PARD3B: variants seen among roughly 807,000 people sequenced by gnomAD.
PARD3B encodes par-3 family cell polarity regulator beta.
Under a neutral mutation model 130.2 loss-of-function variants are expected in PARD3B, and 103 were observed. The ratio of observed to expected loss-of-function variants is 0.79; its 90% CI spans 0.67 to 0.93. The LOEUF (loss-of-function observed/expected upper bound fraction) is 0.93. PARD3B is among the 40% of genes least tolerant of loss of function. PARD3B has a pLI of 0.00. For missense variants in PARD3B, 1,609 were observed against 1,499.2 expected (o/e 1.07, Z -1.21); for synonymous variants, 583 against 553.2 (o/e 1.05, Z -0.76).
chr2:204,921,495 T>C (rs1337796089), intron 2 of PARD3B, among the ~76,000 whole-genome samples: 1 of 142,256 alleles, frequency 7.0e-6, no homozygotes, highest in African/African-American at 2.5e-5. Context: ...TTTTTTGAAG[T>C]CTAGTTAAGA....
chr2:205,096,808 C>T (rs1466320801), intron 4 of PARD3B, among the ~76,000 whole-genome samples: 1 of 151,864 alleles, frequency 6.6e-6, no homozygotes, highest in Non-Finnish European at 1.5e-5. Context: ...AATCGTATTC[C>T]AAAAAAGGTT....
At position 205,351,618 on chromosome 2, in the gene PARD3B, C is replaced by G. The variant is rs1378867405; in HGVS notation, c.2631-49395C>G. On this transcript the variant is annotated intron_variant, in intron 18 of 22. Coordinates refer to ENST00000406610, the MANE Select transcript of PARD3B (RefSeq NM_001302769.2). This position sits in a 1 kb window ranked among gnomAD's most constrained non-coding sequence, Gnocchi z 4.2. ...CCATGGGCAGGGAGCAGCTGGGCAC[C>G]AGGAGATCCAACACAGGAGCCACTG... 6.6e-6 allele frequency among the ~76,000 whole-genome samples: 1 copy of G among 152,138 alleles called. No individual in the cohort carries two copies. The highest frequency in any genetic ancestry group is 1.9e-4 in the East Asian group (1 of 5,194).
chr2:205,104,414 G>T lies in PARD3B; in HGVS notation c.505-12G>T, dbSNP rs1255309300. ...CACAGCATCACATGCTTATGACTTT[G>T]TTTCACTATAGGATTCCACGCAGAA... On this transcript the variant is annotated splice_polypyrimidine_tract_variant and intron_variant, in intron 4 of 22. Transcript: ENST00000406610. 1 of 1,555,330 alleles carries T rather than the reference G, an allele frequency of 6.4e-7. No individual in the cohort carries two copies. The highest frequency in any genetic ancestry group is 1.1e-5 in the South Asian group (1 of 89,684).
At chr2:205,334,838 G>A (rs984205138) in intron 18 of PARD3B, among the ~76,000 whole-genome samples, 2 of 152,218 alleles carry the variant, frequency 1.3e-5, no homozygotes, top group African/African-American at 2.4e-5. Flanking sequence ...CAAAGCATAA[G>A]TGAGAACAAA....
chr2:205,037,113 TAAAACAAATATACATATATA>T, intron 3 of PARD3B, among the ~76,000 whole-genome samples: 1 of 130,102 alleles, frequency 7.7e-6, no homozygotes, highest in South Asian at 2.3e-4. Flanking sequence ...ACTGTATATA[TAAAACAAATATACATATATA>T]GCGGACTGTA....
At chr2:205,541,358 T>C (rs1019530487) in intron 21 of PARD3B, among the ~76,000 whole-genome samples, 37 of 151,002 alleles carry the variant, frequency 2.5e-4, no homozygotes, top group African/African-American at 1.2e-4. Context: ...TTTTTTTTTT[T>C]TTTTTTTGAG....
At chr2:204,652,536 C>A (rs1396089125) in intron 1 of PARD3B, among the ~76,000 whole-genome samples, 1 of 152,214 alleles carries the variant, frequency 6.6e-6, no homozygotes, top group Non-Finnish European at 1.5e-5. Context: ...CAACAAGTAT[C>A]TAGGAAGTTC....
intron 2 of PARD3B, among the ~76,000 whole-genome samples, chr2:204,886,857 A>G (rs2046286537): frequency 6.6e-6 from 1 of 152,180 alleles, no homozygotes. Flanking sequence ...GGATTGTCAG[A>G]CAGGTGGTGT....
chr2:205,556,157 G>T (rs1365701913), intron 22 of PARD3B, among the ~76,000 whole-genome samples: 1 of 152,134 alleles, frequency 6.6e-6, no homozygotes, highest in Admixed American at 6.6e-5. Flanking sequence ...GAGGCCGGGA[G>T]CTTTGAAATA....
intron 1 of PARD3B, among the ~76,000 whole-genome samples, chr2:204,647,293 G>C (rs759941276): frequency 6.6e-6 from 1 of 151,632 alleles, no homozygotes. Context: ...GTTGTCTGTT[G>C]TTCATTTTTG....
At chr2:205,524,312 T>C (rs1424136324) in intron 21 of PARD3B, among the ~76,000 whole-genome samples, 1 of 152,172 alleles carries the variant, frequency 6.6e-6, no homozygotes, top group African/African-American at 2.4e-5. Flanking sequence ...ACCTTACATC[T>C]GAAGATTTGT....
chr2:205,191,075 GA>G (rs5837960), intron 14 of PARD3B, among the ~76,000 whole-genome samples: 18,872 of 97,654 alleles, frequency 0.19, 1,833 homozygotes, highest in East Asian at 0.46. Context: ...GAAAGAAATA[GA>G]AAAAAAAAAA....
At chr2:204,731,492 C>T (rs1441093471) in intron 2 of PARD3B, among the ~76,000 whole-genome samples, 1 of 152,116 alleles carries the variant, frequency 6.6e-6, no homozygotes, top group Non-Finnish European at 1.5e-5. Context: ...TTTAATTTTT[C>T]CCCCCAAATT....
intron 5 of PARD3B, among the ~76,000 whole-genome samples, chr2:205,108,645 C>T (rs1311999738): frequency 1.3e-5 from 2 of 152,052 alleles, no homozygotes; most frequent in African/African-American, 4.8e-5. Flanking sequence ...ATGGAAGACC[C>T]GTTTGTCCTT....
chr2:205,481,704 T>G (rs2049244004), intron 20 of PARD3B, among the ~76,000 whole-genome samples: 1 of 152,200 alleles, frequency 6.6e-6, no homozygotes, highest in Non-Finnish European at 1.5e-5. Context: ...TTGGTTTTAC[T>G]CTCATTATCC....
intron 16 of PARD3B, among the ~76,000 whole-genome samples, chr2:205,252,930 A>G (rs2039922038): frequency 6.7e-6 from 1 of 148,272 alleles, no homozygotes; most frequent in Non-Finnish European, 1.5e-5. Flanking sequence ...GTGATTAGCA[A>G]TGGAAGGGGA....
chr2:204,945,832 G>T (rs1311422278), intron 2 of PARD3B, among the ~76,000 whole-genome samples: 1 of 151,760 alleles, frequency 6.6e-6, no homozygotes, highest in South Asian at 2.1e-4. Flanking sequence ...CTTAATTCCT[G>T]TATTTCTTTT....
chr2:204,667,841 G>A (rs1574652300), intron 1 of PARD3B, among the ~76,000 whole-genome samples: 1 of 152,094 alleles, frequency 6.6e-6, no homozygotes, highest in Admixed American at 6.6e-5. Context: ...TTAAATCAGG[G>A]TTTGTTAACA....
intron 1 of PARD3B, among the ~76,000 whole-genome samples, chr2:204,615,503 A>G (rs913077434): frequency 1.3e-5 from 2 of 152,196 alleles, no homozygotes; most frequent in Admixed American, 6.6e-5. Context: ...GCTTATCACC[A>G]TCAGTCTCAT....
Sources: gnomAD v4.1 joint callset for allele counts (sites outside exome capture counted in the v4.1 genomes callset) on GRCh38, gnomAD v4.1.1 for gene constraint, Gnocchi (gnomAD v3.1) non-coding constraint, MANE v1.5 for transcripts, NCBI Gene and HGNC (gene_info 2026-07-23, HGNC 2026-07-21) for gene names.